DPP3: variants seen among roughly 807,000 people sequenced by gnomAD.
DPP3 encodes the protein DPP III.
DPP3 carries 64 observed loss-of-function variants against 89.8 expected under a neutral mutation model. That is an observed-to-expected ratio of 0.71 (90% CI 0.58 to 0.88). DPP3 has a LOEUF of 0.88. Ranked by LOEUF, DPP3 falls within the 40% of genes least tolerant of loss-of-function variation. DPP3 has a pLI of 0.00. For synonymous variants in DPP3, 377 were observed against 404.3 expected (o/e 0.93, Z 0.81); for missense variants, 835 against 972.5 (o/e 0.86, Z 1.88).
At chr11:66,491,456 T>C in intron 7 of DPP3, 38 bp from the exon 8 acceptor site, 1 of 1,596,658 alleles carries the variant, frequency 6.3e-7, no homozygotes, top group Non-Finnish European at 8.6e-7. Flanking sequence ...TGGAGGTGGG[T>C]GGGTGGCCCG....
intron 16 of DPP3, among the ~76,000 whole-genome samples, chr11:66,499,133 C>T (rs111511881): frequency 0.21 from 32,269 of 152,120 alleles, 3,883 homozygotes; most frequent in East Asian, 0.27. Flanking sequence ...GAGGCCGAGG[C>T]GGGTGGATCA....
chr11:66,489,269 A>T (rs1209357972), intron 6 of DPP3, among the ~76,000 whole-genome samples: 1 of 152,086 alleles, frequency 6.6e-6, no homozygotes, highest in Non-Finnish European at 1.5e-5. Context: ...TAGGCCATGC[A>T]TGGACTTGCC....
At chr11:66,498,815 C>T (rs936319857) in intron 16 of DPP3, among the ~76,000 whole-genome samples, 4 of 151,968 alleles carry the variant, frequency 2.6e-5, no homozygotes, top group African/African-American at 9.7e-5. Flanking sequence ...GAGTTCAAGA[C>T]CAGCCTGGGC....
intron 16 of DPP3, among the ~76,000 whole-genome samples, chr11:66,501,404 T>A (rs1229951484): frequency 1.3e-5 from 2 of 148,320 alleles, no homozygotes; most frequent in East Asian, 3.9e-4. Context: ...GTAGAGGAGA[T>A]GAAGTTGTGT....
intron 2 of DPP3, 144 bp from the exon 3 acceptor site, chr11:66,485,029 G>T: frequency 2.7e-6 from 2 of 741,048 alleles, no homozygotes; most frequent in South Asian, 3.3e-5. Flanking sequence ...CCAGACTGGG[G>T]CTTCCCAGGA....
Position 66,509,350 on chromosome 11 carries a change from G to A in DPP3, c.*99G>A, listed in dbSNP as rs1359435578. 9 of 1,545,474 alleles carry A rather than the reference G, an allele frequency of 5.8e-6. No individual in the cohort carries two copies. In the Admixed American group the frequency reaches 1.4e-4, roughly 24 times the overall value. Reference sequence around the variant, plus strand: ...AGGGGCTGGGGAGGGGGAGGGGCAGGAGCTTGGACCTTGGTACTACCTCAG... The same window carrying A: ...AGGGGCTGGGGAGGGGGAGGGGCAGAAGCTTGGACCTTGGTACTACCTCAG... On this transcript the variant is annotated 3_prime_UTR_variant, in exon 18 of 18. Coordinates refer to ENST00000531863, the MANE Select transcript of DPP3 (RefSeq NM_130443.4).
chr11:66,481,716 C>T (rs1174165146), intron 1 of DPP3, among the ~76,000 whole-genome samples: 1 of 151,702 alleles, frequency 6.6e-6, no homozygotes, highest in East Asian at 2.0e-4. Flanking sequence ...GGTGCGGTCT[C>T]AGCTCACTGC....
Position 66,509,606 on chromosome 11 carries a change from C to T in DPP3, c.*355C>T. ...AAACGTTCTCACCAAATCCAATGCT[C>T]CTCACATATTAATTTTATAACCAGA... On this transcript the variant is annotated 3_prime_UTR_variant, in exon 18 of 18. Transcript: ENST00000531863. 1 of 627,322 alleles carries T rather than the reference C, an allele frequency of 1.6e-6. No individual in the cohort carries two copies. Among genetic ancestry groups the T allele is most frequent in the South Asian group, 1.6e-5 (1 of 61,600 alleles). 38.9% of individuals were successfully genotyped at this position (627,322 alleles called of 1,614,324 possible). A position where few individuals can be genotyped will look rare whatever the true frequency, so the allele number is the denominator to read the frequency against.
chr11:66,494,558 G>A (rs1855482268), intron 12 of DPP3, among the ~76,000 whole-genome samples: 1 of 152,340 alleles, frequency 6.6e-6, no homozygotes, highest in African/African-American at 2.4e-5. Flanking sequence ...CTGTTGTGAG[G>A]AGTAAAGGTG....
intron 12 of DPP3, 40 bp from the exon 13 acceptor site, chr11:66,495,166 G>T (rs1348271490): frequency 1.2e-6 from 2 of 1,612,014 alleles, no homozygotes; most frequent in African/African-American, 2.7e-5. Context: ...CCTGGATCCA[G>T]TTGGGGGCGC....
chr11:66,492,554 C>A, intron 9 of DPP3, 162 bp from the exon 10 acceptor site: 1 of 802,642 alleles, frequency 1.2e-6, no homozygotes, highest in Non-Finnish European at 1.9e-6. Flanking sequence ...TGTCCAGGTC[C>A]TGACCCAGTA....
chr11:66,501,024 A>G (rs1473082706), intron 16 of DPP3, among the ~76,000 whole-genome samples: 1 of 152,116 alleles, frequency 6.6e-6, no homozygotes, highest in Admixed American at 6.6e-5. Flanking sequence ...CCCCTTTTCT[A>G]CTAAAAATAA....
chr11:66,506,850 C>T (rs1487094483), intron 17 of DPP3, among the ~76,000 whole-genome samples: 3 of 151,902 alleles, frequency 2.0e-5, no homozygotes, highest in African/African-American at 7.3e-5. Flanking sequence ...GTCTCTGACC[C>T]CTCCACCTAA....
chr11:66,490,767 G>GTT lies in DPP3; in HGVS notation c.668-483_668-482dup, dbSNP rs1441207501. On this transcript the variant is annotated intron_variant, in intron 6 of 17. Coordinates refer to ENST00000531863, the MANE Select transcript of DPP3 (RefSeq NM_130443.4). The stretch of plus-strand genomic sequence containing the variant: ...TTTGGGGTTTTGTTTTGTTTTTTTT[G>GTT]TTTTGTTTTTTTTTTTTTTGAGATG... 6.5e-5 allele frequency among the ~76,000 whole-genome samples: 9 copies of GTT among 138,148 alleles called. No homozygotes were observed. The East Asian group carries it at 1.3e-3, about 19-fold the overall frequency. The allele number at this position is 138,148 out of a possible 152,430, so 90.6% of individuals were successfully genotyped here.
At chr11:66,500,426 A>C (rs1046288277) in intron 16 of DPP3, among the ~76,000 whole-genome samples, 4 of 152,210 alleles carry the variant, frequency 2.6e-5, no homozygotes, top group Admixed American at 6.6e-5. Flanking sequence ...AAATAAGCAA[A>C]AATGAACAGA....
chr11:66,491,807 G>A, intron 9 of DPP3, 51 bp downstream of exon 9: 1 of 1,601,198 alleles, frequency 6.2e-7, no homozygotes, highest in South Asian at 1.1e-5. Flanking sequence ...CCACATCCAA[G>A]TCCACGTTTC....
intron 12 of DPP3, among the ~76,000 whole-genome samples, chr11:66,494,673 C>A (rs1855484799): frequency 6.6e-6 from 1 of 152,204 alleles, no homozygotes; most frequent in Non-Finnish European, 1.5e-5. Flanking sequence ...GTGTGGGGCT[C>A]TTAGGCTCTG....
chr11:66,481,803 A>G (rs1339223666), intron 1 of DPP3, among the ~76,000 whole-genome samples: 1 of 152,038 alleles, frequency 6.6e-6, no homozygotes, highest in Non-Finnish European at 1.5e-5. Flanking sequence ...GCCTGGCACC[A>G]AGCCTGGCTA....
intron 9 of DPP3, among the ~76,000 whole-genome samples, chr11:66,492,032 C>T (rs534835765): frequency 1.6e-4 from 25 of 152,190 alleles, no homozygotes; most frequent in Non-Finnish European, 3.4e-4. Context: ...CCCAGGAACC[C>T]TGGCTCTGAG....
Sources: gnomAD v4.1 joint callset for allele counts (sites outside exome capture counted in the v4.1 genomes callset) on GRCh38, gnomAD v4.1.1 for gene constraint, MANE v1.5 for transcripts, NCBI Gene and HGNC (gene_info 2026-07-23, HGNC 2026-07-21) for gene names.